RHPN1: variants seen among roughly 807,000 people sequenced by gnomAD.
RHPN1 encodes rhophilin Rho GTPase binding protein 1.
In RHPN1, 77 loss-of-function variants were observed where a neutral mutation model predicts 74.7. The ratio of observed to expected loss-of-function variants is 1.03; its 90% confidence interval spans 0.86 to 1.25. RHPN1 has a LOEUF of 1.25. RHPN1 is among the 50% of genes most tolerant of loss of function. The pLI is 0.00. For synonymous variants in RHPN1, 444 were observed against 414.5 expected (o/e 1.07, Z -0.87); for missense variants, 987 against 932.2 (o/e 1.06, Z -0.77).
rs1818886658 is a variant in RHPN1, at chr8:143,383,674, CCGGAG to C, written c.*1029_*1033del. On this transcript the variant is annotated 3_prime_UTR_variant, in exon 15 of 15. Coordinates refer to ENST00000289013, the MANE Select transcript of RHPN1 (RefSeq NM_052924.3). ...CCCAAGAGGAGCCACGGAGCCGGAG[CCGGAG>C]CGGAGGCCCCCACCGAGGGCCCCAG... The C allele has an allele frequency of 6.5e-6, 1 of 152,716 alleles. No homozygotes were observed. The highest frequency in any genetic ancestry group is 1.5e-5 in the Non-Finnish European group (1 of 68,534). The allele number at this position is 152,716 out of a possible 1,614,324, so 9.5% of individuals were successfully genotyped here.
upstream of RHPN1, chr8:143,366,553 GCACACA>G (rs758244219): frequency 7.4e-5 from 11 of 148,720 alleles, no homozygotes; most frequent in East Asian, 2.0e-4. Flanking sequence ...ACATATGCAC[GCACACA>G]CACGCACACG....
chr8:143,382,147 C>G (rs572937927), intron 14 of RHPN1, among the ~76,000 whole-genome samples, 179 bp downstream of exon 14: 1 of 152,310 alleles, frequency 6.6e-6, no homozygotes, highest in South Asian at 2.1e-4. Context: ...GCAGCTCTTG[C>G]CCTGACCCCG....
At chr8:143,376,784 ATG>A (rs1033913595) in intron 3 of RHPN1, 131 bp downstream of exon 3, 23 of 1,048,640 alleles carry the variant, frequency 2.2e-5, no homozygotes, top group South Asian at 7.7e-5. Flanking sequence ...GCGTGTGTGC[ATG>A]TGTGTGCATG....
Position 143,378,290 on chromosome 8 carries a change from G to T in RHPN1, c.403G>T (p.Gly135Ter), listed in dbSNP as rs1818421415. ...TCAGGAGCTGATCTCAGTGCACTTTGGAGAGGACGGCGCCTCCTACGAGGC... is the reference window on the plus strand; with the variant it reads ...TCAGGAGCTGATCTCAGTGCACTTTTGAGAGGACGGCGCCTCCTACGAGGC... ...PLKELISVHF[G>*]EDGASYEAEI... Residue 135 changes from glycine to a stop codon, truncating the protein, a stop_gained, in exon 5 of 15, where the codon GGA (glycine) becomes TGA (stop). Transcript: ENST00000289013. LOFTEE classifies it high-confidence loss of function. 6.3e-7 allele frequency: 1 copy of T among 1,575,878 alleles called. No homozygotes were observed. The highest frequency in any genetic ancestry group is 8.6e-7 in the Non-Finnish European group (1 of 1,161,164).
intron 2 of RHPN1, among the ~76,000 whole-genome samples, chr8:143,375,898 C>T (rs1818182017): frequency 6.6e-6 from 1 of 152,248 alleles, no homozygotes; most frequent in Non-Finnish European, 1.5e-5. Flanking sequence ...AGTGTCCCTG[C>T]CGGGTGTGCA....
At chr8:143,382,218 C>T (rs1450708668) in intron 14 of RHPN1, among the ~76,000 whole-genome samples, 1 of 152,352 alleles carries the variant, frequency 6.6e-6, no homozygotes, top group East Asian at 1.9e-4. Flanking sequence ...GCTTCTGGGC[C>T]AGGCGCTCCA....
At chr8:143,377,534 C>G in intron 4 of RHPN1, 79 bp downstream of exon 4, 1 of 1,005,902 alleles carries the variant, frequency 9.9e-7, no homozygotes, top group Non-Finnish European at 1.5e-6. Context: ...TCTGGTCCAG[C>G]TGTCTGGTTG....
intron 3 of RHPN1, 52 bp downstream of exon 3, chr8:143,376,705 G>T (rs1487057766): frequency 1.3e-6 from 2 of 1,513,682 alleles, no homozygotes; most frequent in South Asian, 2.4e-5. Flanking sequence ...GCACGTGTGC[G>T]TGTGTGTGTG....
intron 1 of RHPN1, 71 bp downstream of exon 1, chr8:143,369,118 C>T: frequency 7.9e-7 from 1 of 1,258,296 alleles, no homozygotes; most frequent in African/African-American, 1.6e-5. Context: ...CCCCTCGAGG[C>T]GCGTTCCGGG....
intron 1 of RHPN1, among the ~76,000 whole-genome samples, chr8:143,371,992 T>C (rs752544673): frequency 2.0e-5 from 3 of 152,210 alleles, no homozygotes; most frequent in Non-Finnish European, 4.4e-5. Flanking sequence ...CTCCTCCGCC[T>C]GTAGGCCGGG....
chr8:143,369,386 C>T (rs988422466), intron 1 of RHPN1, among the ~76,000 whole-genome samples: 13 of 152,176 alleles, frequency 8.5e-5, no homozygotes, highest in African/African-American at 2.4e-4. Context: ...TGTTCCTTTC[C>T]GGCACCTGTA....
At chr8:143,376,760 T>A in intron 3 of RHPN1, 107 bp downstream of exon 3, 1 of 1,338,808 alleles carries the variant, frequency 7.5e-7, no homozygotes. Flanking sequence ...TATGTGTGCA[T>A]TGTCTGTGTG....
chr8:143,369,388 G>C (rs1349051652), intron 1 of RHPN1, among the ~76,000 whole-genome samples: 1 of 152,154 alleles, frequency 6.6e-6, no homozygotes, highest in African/African-American at 2.4e-5. Flanking sequence ...TTCCTTTCCG[G>C]CACCTGTACA....
chr8:143,375,651 C>T lies in RHPN1; in HGVS notation c.159C>T (p.Gly53=), dbSNP rs144295575. Residue 53 remains glycine, a synonymous_variant, in exon 2 of 15, where the codon GGC becomes GGT. Coordinates refer to ENST00000289013, the MANE Select transcript of RHPN1 (RefSeq NM_052924.3). ...QIDKELQMRT[G]AENLYRATSN... ...ACAAGGAGCTGCAGATGCGGACGGG[C>T]GCTGAGAACCTCTACAGGTCAGTGC... 4,964 of 1,607,634 alleles carry T rather than the reference C, an allele frequency of 3.1e-3. 15 individuals carry two copies. The highest frequency in any genetic ancestry group is 3.3e-3 in the Non-Finnish European group (3,864 of 1,177,806).
intron 1 of RHPN1, chr8:143,374,016 G>A (rs894560090): frequency 5.1e-5 from 29 of 572,742 alleles, no homozygotes; most frequent in Non-Finnish European, 6.4e-5. Flanking sequence ...TGTGATTTTG[G>A]GGGGCTGGAC....
At position 143,382,835 on chromosome 8, in the gene RHPN1, C is replaced by A; in HGVS notation, c.*184C>A. On this transcript the variant is annotated 3_prime_UTR_variant, in exon 15 of 15. Coordinates refer to ENST00000289013, the MANE Select transcript of RHPN1 (RefSeq NM_052924.3). The stretch of plus-strand genomic sequence containing the variant: ...CTGAGCCCAGTGATGGGAGCTGTGG[C>A]CTCTTCACCCACACACAGAAGGATG... 1 of 599,208 alleles carries A rather than the reference C, an allele frequency of 1.7e-6. No individual in the cohort carries two copies. Among genetic ancestry groups the A allele is most frequent in the Non-Finnish European group, 3.0e-6 (1 of 338,016 alleles). The allele number at this position is 599,208 out of a possible 1,614,324, so 37.1% of individuals were successfully genotyped here.
chr8:143,367,494 T>G (rs1173803982), upstream of RHPN1: 1 of 152,184 alleles, frequency 6.6e-6, no homozygotes, highest in Non-Finnish European at 1.5e-5. Flanking sequence ...AGGCCCTGTC[T>G]CAAAAGGCCA....
At chr8:143,376,423 G>C (rs1255308941) in intron 2 of RHPN1, 102 bp from the exon 3 acceptor site, 1 of 1,519,716 alleles carries the variant, frequency 6.6e-7, no homozygotes, top group Non-Finnish European at 8.9e-7. Flanking sequence ...TGCAGGGTGG[G>C]CTTGGAGCTT....
At position 143,382,718 on chromosome 8, in the gene RHPN1, C is replaced by T; in HGVS notation, c.*67C>T. ...CAGCAAGCACCGAGCATGCCCTCCC[C>T]ACCCAGAGGACCTCCGGGCAATGCC... is the stretch of plus-strand genomic sequence containing the variant. On this transcript the variant is annotated 3_prime_UTR_variant, in exon 15 of 15. Coordinates refer to ENST00000289013, the MANE Select transcript of RHPN1 (RefSeq NM_052924.3). The T allele has an allele frequency of 7.3e-7, 1 of 1,374,466 alleles. No homozygotes were observed. Among genetic ancestry groups the T allele is most frequent in the Non-Finnish European group, 1.0e-6 (1 of 1,003,544 alleles). 85.1% of individuals were successfully genotyped at this position (1,374,466 alleles called of 1,614,324 possible).
Sources: gnomAD v4.1 joint callset for allele counts (sites outside exome capture counted in the v4.1 genomes callset) on GRCh38, gnomAD v4.1.1 for gene constraint, MANE v1.5 for transcripts, NCBI Gene and HGNC (gene_info 2026-07-23, HGNC 2026-07-21) for gene names.